ERG: variants seen among roughly 807,000 people sequenced by gnomAD.
The protein encoded by ERG is ETS transcription factor ERG, also known as transcriptional regulator ERG.
Under a neutral mutation model 55.3 loss-of-function variants are expected in ERG, and 9 were observed. The ratio of observed to expected loss-of-function variants is 0.16; its 90% CI spans 0.10 to 0.28. ERG has a LOEUF of 0.28. ERG is among the 10% of genes least tolerant of loss of function. The pLI, the probability that ERG is intolerant of heterozygous loss-of-function variation, is 1.00. For missense variants in ERG, 434 were observed against 631.6 expected, an observed-to-expected ratio of 0.69 and a Z score of 3.35; for synonymous variants, 223 against 237.3, an observed-to-expected ratio of 0.94 and a Z score of 0.55.
intron 1 of ERG, among the ~76,000 whole-genome samples, chr21:38,644,607 A>G (rs1173128363): frequency 6.6e-6 from 1 of 152,236 alleles, no homozygotes. Flanking sequence ...CTTTCAATGT[A>G]GTCCAAGGAA....
chr21:38,493,386 G>A (rs542280128), intron 1 of ERG, among the ~76,000 whole-genome samples: 1 of 152,134 alleles, frequency 6.6e-6, no homozygotes, highest in Non-Finnish European at 1.5e-5. Flanking sequence ...AGGACAGGTA[G>A]GTAGATACAA....
intron 2 of ERG, among the ~76,000 whole-genome samples, chr21:38,553,800 C>A (rs12483195): frequency 0.46 from 69,669 of 151,596 alleles, 18,654 homozygotes; most frequent in Non-Finnish European, 0.62. Context: ...ACTCCAAAAG[C>A]AATGGCAACA....
At chr21:38,414,073 G>T (rs1249615067) in intron 3 of ERG, among the ~76,000 whole-genome samples, 3 of 152,174 alleles carry the variant, frequency 2.0e-5, no homozygotes, top group African/African-American at 7.2e-5. Context: ...CAAGGTATCA[G>T]CAAGGCCTTG....
chr21:38,610,512 CGT>C (rs2060219859), intron 1 of ERG, among the ~76,000 whole-genome samples: 1 of 139,480 alleles, frequency 7.2e-6, no homozygotes. Context: ...TAGTAGTCCA[CGT>C]GCGCGCACGC....
chr21:38,614,723 C>T (rs1454669338), intron 1 of ERG, among the ~76,000 whole-genome samples: 1 of 152,234 alleles, frequency 6.6e-6, no homozygotes, highest in African/African-American at 2.4e-5. Flanking sequence ...GCAAGACAAA[C>T]ACACATGTGG....
intron 2 of ERG, among the ~76,000 whole-genome samples, chr21:38,443,695 T>A (rs1345638861): frequency 1.3e-5 from 2 of 151,936 alleles, no homozygotes; most frequent in African/African-American, 4.8e-5. Context: ...TTCCCACAAC[T>A]TTGGTGTCCT....
chr21:38,588,317 CCA>C (rs1555870205), upstream of ERG, among the ~76,000 whole-genome samples: 3 of 142,138 alleles, frequency 2.1e-5, no homozygotes, highest in Non-Finnish European at 4.8e-5. Context: ...GAGACACCCC[CCA>C]CCACCACCAC....
intron 2 of ERG, among the ~76,000 whole-genome samples, chr21:38,517,308 A>T (rs2059559397): frequency 6.6e-6 from 1 of 152,142 alleles, no homozygotes; most frequent in Non-Finnish European, 1.5e-5. Context: ...ACGTCAATAG[A>T]CATTTCTCAA....
intron 2 of ERG, among the ~76,000 whole-genome samples, chr21:38,504,404 C>T (rs1405397880): frequency 6.6e-6 from 1 of 152,186 alleles, no homozygotes; most frequent in Non-Finnish European, 1.5e-5. Context: ...AAACCATTAT[C>T]AAGGACTCCA....
At position 38,466,956 on chromosome 21, in the gene ERG, C is replaced by T. The variant is rs556212454; in HGVS notation, c.19-21335G>A. On this transcript the variant is annotated intron_variant, in intron 1 of 9. Coordinates refer to ENST00000288319, the MANE Select transcript of ERG (RefSeq NM_182918.4). ...ATGTTCTGGCCCCTAGAAACCCTTA[C>T]ATCCTGCAAAGAGGGACTAGAGCTT... 1.7e-3 allele frequency among the ~76,000 whole-genome samples: 262 copies of T among 152,306 alleles called. 2 individuals carry two copies. Among genetic ancestry groups the T allele is most frequent in the African/African-American group, 6.1e-3 (252 of 41,558 alleles).
At chr21:38,452,895 C>T (rs184724028) in intron 1 of ERG, among the ~76,000 whole-genome samples, 7 of 152,348 alleles carry the variant, frequency 4.6e-5, no homozygotes, top group South Asian at 2.1e-4. Flanking sequence ...AGGGCTGGCT[C>T]CTCTGTATGT....
intron 2 of ERG, among the ~76,000 whole-genome samples, chr21:38,437,532 A>G (rs1190608171): frequency 6.6e-6 from 1 of 152,178 alleles, no homozygotes; most frequent in Non-Finnish European, 1.5e-5. Context: ...CAAGGAGGCA[A>G]GAGCCTCTTG....
Position 38,404,295 on chromosome 21 carries a change from G to A in ERG, c.389-586C>T, listed in dbSNP as rs8132930. ...CAGCGTTCCTCATAGAGAGCTGTCA[G>A]TTCCAGACTTTTCCTGCAGGGTGTT... On this transcript the variant is annotated intron_variant, in intron 3 of 9. Coordinates refer to ENST00000288319, the MANE Select transcript of ERG (RefSeq NM_182918.4). Among the ~76,000 whole-genome samples the A allele has an allele frequency of 2.8e-3, 427 of 152,326 alleles. 4 individuals carry two copies. The highest frequency in any genetic ancestry group is 9.4e-3 in the African/African-American group (390 of 41,566).
chr21:38,556,313 T>C (rs964939197), intron 2 of ERG, among the ~76,000 whole-genome samples: 4 of 152,150 alleles, frequency 2.6e-5, no homozygotes, highest in African/African-American at 9.7e-5. Context: ...GTTGGTGAGA[T>C]TACATATAAT....
intron 2 of ERG, among the ~76,000 whole-genome samples, chr21:38,437,472 C>T (rs2058801613): frequency 2.6e-5 from 4 of 152,168 alleles, no homozygotes; most frequent in South Asian, 2.1e-4. Context: ...GGCCACATCA[C>T]GATGGTTGAG....
At chr21:38,573,598 G>A (rs1374682086) in intron 2 of ERG, among the ~76,000 whole-genome samples, 2 of 152,148 alleles carry the variant, frequency 1.3e-5, no homozygotes, top group Non-Finnish European at 2.9e-5. Context: ...ACTTAATTAT[G>A]ACATAGATTC....
downstream of ERG, among the ~76,000 whole-genome samples, chr21:38,378,277 G>A (rs1987294001): frequency 6.6e-6 from 1 of 152,228 alleles, no homozygotes; most frequent in Non-Finnish European, 1.5e-5. Flanking sequence ...AAATAGCCAT[G>A]TAGTCCATGT....
In ERG at chr21:38,383,383, GA is replaced by G. The variant is rs2146410450; in HGVS notation, c.*19del. The G allele has an allele frequency of 6.8e-7, 1 of 1,480,046 alleles. No individual in the cohort carries two copies. The highest frequency in any genetic ancestry group is 1.4e-5 in the African/African-American group (1 of 71,392). 91.7% of individuals were successfully genotyped at this position (1,480,046 alleles called of 1,614,324 possible). On this transcript the variant is annotated 3_prime_UTR_variant, in exon 10 of 10. Transcript: ENST00000288319. This position sits in a 1 kb window ranked among gnomAD's most constrained non-coding sequence, Gnocchi z 5.7. ...TGGGCTGGTGAATGCACGCTGATGG[GA>G]AAAGCCTCCGCCAGGTCTTTAGTAG...
intron 1 of ERG, among the ~76,000 whole-genome samples, chr21:38,657,644 C>A (rs28446127): frequency 0.25 from 38,707 of 152,012 alleles, 5,407 homozygotes; most frequent in East Asian, 0.37. Flanking sequence ...TGTTGAAGAA[C>A]TGGTTTGGGT....
Sources: gnomAD v4.1 joint callset for allele counts (sites outside exome capture counted in the v4.1 genomes callset) on GRCh38, gnomAD v4.1.1 for gene constraint, Gnocchi (gnomAD v3.1) non-coding constraint, MANE v1.5 for transcripts, NCBI Gene and HGNC (gene_info 2026-07-23, HGNC 2026-07-21) for gene names.